Variants in ARFGAP3 observed in about 807,000 individuals in gnomAD.
ARFGAP3 encodes ADP-ribosylation factor GTPase-activating protein 3.
Under a neutral mutation model 75.0 loss-of-function variants are expected in ARFGAP3, and 72 were observed. The ratio of observed to expected loss-of-function variants is 0.96; its 90% CI spans 0.79 to 1.17. The LOEUF (loss-of-function observed/expected upper bound fraction) is 1.17, where lower values mean the gene tolerates loss of function less well. Ranked by LOEUF, ARFGAP3 falls within the 50% of genes most tolerant of loss-of-function variation. The probability of loss-of-function intolerance (pLI) is 0.00; values close to 1 mark genes in which losing one functional copy is unlikely to be tolerated. For missense variants in ARFGAP3, 620 were observed against 626.6 expected, an observed-to-expected ratio of 0.99 and a Z score of 0.11; for synonymous variants, 221 against 217.9, an observed-to-expected ratio of 1.01 and a Z score of -0.13.
At chr22:42,822,245 A>AT (rs1303592031) in intron 9 of ARFGAP3, 25 bp downstream of exon 9, 13 of 1,580,112 alleles carry the variant, frequency 8.2e-6, no homozygotes, top group Non-Finnish European at 1.1e-5. Context: ...CTGAAAATGT[A>AT]TTAATATAAT....
intron 11 of ARFGAP3, among the ~76,000 whole-genome samples, chr22:42,813,375 A>G (rs1569142584): frequency 6.6e-6 from 1 of 152,080 alleles, no homozygotes; most frequent in Non-Finnish European, 1.5e-5. Context: ...GAGTGGGAAG[A>G]GGGGGGTCAG....
chr22:42,822,225 G>T, intron 9 of ARFGAP3, 45 bp downstream of exon 9: 1 of 1,505,620 alleles, frequency 6.6e-7, no homozygotes. Context: ...TGAGTTAATA[G>T]TTTTATTCCC....
intron 8 of ARFGAP3, among the ~76,000 whole-genome samples, chr22:42,823,301 G>T (rs778112063): frequency 2.6e-4 from 39 of 152,114 alleles, no homozygotes; most frequent in Non-Finnish European, 2.8e-4. Context: ...CTGGTGCTCC[G>T]CAATGCTTCG....
At chr22:42,838,288 A>AT (rs200113978) in intron 3 of ARFGAP3, among the ~76,000 whole-genome samples, 5,409 of 130,654 alleles carry the variant, frequency 0.041, 237 homozygotes, top group East Asian at 0.19. Flanking sequence ...ATATATATAT[A>AT]TATTTTTTTT....
intron 12 of ARFGAP3, 143 bp downstream of exon 12, chr22:42,810,670 C>A: frequency 1.4e-6 from 1 of 708,546 alleles, no homozygotes; most frequent in East Asian, 2.5e-5. Flanking sequence ...CCTTTGACCT[C>A]GGCCTCTTAA....
intron 14 of ARFGAP3, 86 bp downstream of exon 14, chr22:42,806,970 AATGGTTGCTAAAATATC>A: frequency 8.4e-7 from 1 of 1,190,166 alleles, no homozygotes; most frequent in Non-Finnish European, 1.1e-6. Flanking sequence ...AGCATCGAAT[AATGGTTGCTAAAATATC>A]TTGGAAAAGG....
chr22:42,821,866 T>C (rs1925826489), intron 9 of ARFGAP3, among the ~76,000 whole-genome samples: 1 of 152,136 alleles, frequency 6.6e-6, no homozygotes, highest in East Asian at 1.9e-4. Context: ...TGTACAAGGG[T>C]TCAAATTTCT....
intron 2 of ARFGAP3, 111 bp from the exon 3 acceptor site, chr22:42,841,127 A>C (rs1926763107): frequency 2.0e-6 from 3 of 1,473,056 alleles, no homozygotes; most frequent in South Asian, 2.8e-5. Context: ...AAGAATTCTA[A>C]GTTTGTGTCA....
At chr22:42,820,997 G>A (rs1293256513) in intron 9 of ARFGAP3, among the ~76,000 whole-genome samples, 1 of 152,070 alleles carries the variant, frequency 6.6e-6, no homozygotes, top group Non-Finnish European at 1.5e-5. Flanking sequence ...GACAACCACA[G>A]CCTGACTTTA....
At chr22:42,816,926 A>G (rs945923584) in intron 11 of ARFGAP3, among the ~76,000 whole-genome samples, 1 of 152,190 alleles carries the variant, frequency 6.6e-6, no homozygotes, top group Non-Finnish European at 1.5e-5. Context: ...ACAGTTGCTG[A>G]TTTTATTGCC....
intron 3 of ARFGAP3, among the ~76,000 whole-genome samples, chr22:42,836,378 A>C (rs1197320380): frequency 6.6e-6 from 1 of 152,076 alleles, no homozygotes; most frequent in African/African-American, 2.4e-5. Context: ...GATTCAAGCA[A>C]TCCTCTCACC....
chr22:42,812,169 G>A (rs1052232150), intron 11 of ARFGAP3, among the ~76,000 whole-genome samples: 3 of 140,310 alleles, frequency 2.1e-5, no homozygotes, highest in African/African-American at 8.1e-5. Context: ...AGACTGCAGT[G>A]AGCCATGATC....
At chr22:42,845,115 G>C (rs1395514531) in intron 2 of ARFGAP3, among the ~76,000 whole-genome samples, 2 of 152,222 alleles carry the variant, frequency 1.3e-5, no homozygotes, top group Admixed American at 6.6e-5. Context: ...AAGAAAGAGG[G>C]AAAGAACACA....
At chr22:42,835,103 G>T (rs957076127) in intron 4 of ARFGAP3, among the ~76,000 whole-genome samples, 7 of 152,134 alleles carry the variant, frequency 4.6e-5, no homozygotes, top group Non-Finnish European at 1.0e-4. Context: ...GTTATGTATT[G>T]ATCAGTTGAT....
At chr22:42,850,495 C>A (rs1927228232) in intron 1 of ARFGAP3, among the ~76,000 whole-genome samples, 1 of 145,732 alleles carries the variant, frequency 6.9e-6, no homozygotes, top group Non-Finnish European at 1.5e-5. Context: ...ATCGCTTGAG[C>A]CTGGGAGGCG....
intron 2 of ARFGAP3, among the ~76,000 whole-genome samples, chr22:42,846,438 T>C (rs1229704806): frequency 6.6e-6 from 1 of 152,250 alleles, no homozygotes; most frequent in Non-Finnish European, 1.5e-5. Context: ...ACTGTGGGGT[T>C]ATCCCATCAG....
intron 2 of ARFGAP3, among the ~76,000 whole-genome samples, chr22:42,843,066 C>T (rs919437403): frequency 1.3e-5 from 2 of 152,052 alleles, no homozygotes; most frequent in Admixed American, 6.6e-5. Context: ...GAAAGGACAG[C>T]TCAGATTTGC....
chr22:42,827,574 C>T (rs967248656), intron 6 of ARFGAP3, among the ~76,000 whole-genome samples: 2 of 152,224 alleles, frequency 1.3e-5, no homozygotes, highest in Non-Finnish European at 1.5e-5. Context: ...CCATGTTGGT[C>T]AGGCTGGTCT....
At chr22:42,838,937 C>T (rs1166039933) in intron 3 of ARFGAP3, among the ~76,000 whole-genome samples, 3 of 151,482 alleles carry the variant, frequency 2.0e-5, no homozygotes, top group Non-Finnish European at 4.4e-5. Flanking sequence ...GGTGAAACCC[C>T]GTCTCTACTA....
Sources: allele counts gnomAD v4.1 joint callset (sites outside exome capture counted in the v4.1 genomes callset), GRCh38; gene constraint gnomAD v4.1.1; transcripts MANE v1.5; gene names NCBI Gene and HGNC (gene_info 2026-07-23, HGNC 2026-07-21).